The following PIP5K1B variants were observed in gnomAD, a reference collection of about 807,000 sequenced individuals.
The protein encoded by PIP5K1B is phosphatidylinositol 4-phosphate 5-kinase type-1 beta.
PIP5K1B carries 42 observed loss-of-function variants against 67.0 expected under a neutral mutation model. The observed-to-expected ratio is 0.63, with a 90% CI of 0.49 to 0.81. PIP5K1B has a LOEUF of 0.81. PIP5K1B is among the 30% of genes least tolerant of loss of function. The pLI, the probability that PIP5K1B is intolerant of heterozygous loss-of-function variation, is 0.00. For missense variants in PIP5K1B, 459 were observed against 646.3 expected (o/e 0.71, Z 3.14); for synonymous variants, 214 against 231.4 (o/e 0.92, Z 0.68).
intron 4 of PIP5K1B, among the ~76,000 whole-genome samples, chr9:68,851,873 C>T (rs746499639): frequency 6.6e-6 from 1 of 152,224 alleles, no homozygotes; most frequent in African/African-American, 2.4e-5. Flanking sequence ...AGCCGGCCCT[C>T]CTTGCATCTG....
chr9:68,892,019 C>G (rs1213445178), intron 7 of PIP5K1B, among the ~76,000 whole-genome samples: 1 of 152,036 alleles, frequency 6.6e-6, no homozygotes, highest in East Asian at 1.9e-4. Flanking sequence ...TTCTAAAATA[C>G]TTGAATCTAT....
At chr9:68,860,757 C>T (rs1019243307) in intron 4 of PIP5K1B, among the ~76,000 whole-genome samples, 10 of 152,152 alleles carry the variant, frequency 6.6e-5, no homozygotes, top group Non-Finnish European at 1.3e-4. Flanking sequence ...CTATGCCTCA[C>T]GGTTCTGGAG....
At chr9:68,841,649 CAAA>C (rs912481861) in intron 4 of PIP5K1B, among the ~76,000 whole-genome samples, 5 of 151,150 alleles carry the variant, frequency 3.3e-5, no homozygotes, top group African/African-American at 1.2e-4. Context: ...TAACTTGGGA[CAAA>C]AAAAAGGAAT....
At chr9:68,920,803 T>TACACAC (rs59573461) in intron 11 of PIP5K1B, among the ~76,000 whole-genome samples, 3,662 of 141,482 alleles carry the variant, frequency 0.026, 61 homozygotes, top group African/African-American at 0.038. Flanking sequence ...TACACACACA[T>TACACAC]ACACACACAC....
chr9:68,744,538 C>A (rs1829181530), intron 2 of PIP5K1B, among the ~76,000 whole-genome samples: 1 of 152,192 alleles, frequency 6.6e-6, no homozygotes, highest in Non-Finnish European at 1.5e-5. Context: ...TGCTCCCCTT[C>A]CCCTGGCTAG....
intron 8 of PIP5K1B, among the ~76,000 whole-genome samples, chr9:68,913,679 T>C (rs949111798): frequency 1.4e-4 from 21 of 152,194 alleles, no homozygotes; most frequent in Non-Finnish European, 1.5e-5. Context: ...ATGGCCAGCT[T>C]TCCACATATG....
At position 68,938,919 on chromosome 9, in the gene PIP5K1B, A is replaced by C. The variant is rs201026800; in HGVS notation, c.1358-1727A>C. Among the ~76,000 whole-genome samples the C allele has an allele frequency of 3.2e-4, 48 of 152,358 alleles. No individual in the cohort carries two copies. In the East Asian group the frequency reaches 4.8e-3, roughly 15 times the overall value. On this transcript the variant is annotated intron_variant, in intron 13 of 15. Transcript: ENST00000265382. The stretch of plus-strand genomic sequence containing the variant: ...CTTCTTGTCTCTGACCTCTAGACCC[A>C]GATTTAAAGGGCTCGTACAATTAGG...
intron 14 of PIP5K1B, among the ~76,000 whole-genome samples, chr9:68,986,458 T>A (rs1256723969): frequency 6.6e-6 from 1 of 152,240 alleles, no homozygotes; most frequent in Non-Finnish European, 1.5e-5. Flanking sequence ...TGCTAAGTTA[T>A]AAGAGTTCTT....
chr9:68,788,426 C>A, intron 2 of PIP5K1B: 1 of 556,018 alleles, frequency 1.8e-6, no homozygotes. Context: ...GCTGCTGCAT[C>A]TTAACTACAA....
chr9:68,886,202 A>C lies in PIP5K1B; in HGVS notation c.319-2779A>C, dbSNP rs561086785. On this transcript the variant is annotated intron_variant, in intron 6 of 15. Transcript: ENST00000265382. ...TGAAAAAAAAAAAAGAAAAATTTAA[A>C]GATGATGTGGTTCTTTAAGCCCCTG... 2.0e-5 allele frequency among the ~76,000 whole-genome samples: 3 copies of C among 152,222 alleles called. No homozygotes were observed. The South Asian group carries it at 6.2e-4, about 32-fold the overall frequency.
chr9:68,931,627 T>G (rs11144371), intron 12 of PIP5K1B, among the ~76,000 whole-genome samples: 3,507 of 152,292 alleles, frequency 0.023, 63 homozygotes, highest in Non-Finnish European at 0.039. Flanking sequence ...CAGAGTTCAT[T>G]AAGAAGAGAG....
At chr9:68,746,244 A>G (rs1275660961) in intron 2 of PIP5K1B, among the ~76,000 whole-genome samples, 1 of 151,640 alleles carries the variant, frequency 6.6e-6, no homozygotes, top group Non-Finnish European at 1.5e-5. Context: ...ATGCCTGGCT[A>G]ATTTTTGTAT....
At chr9:68,873,114 A>G (rs1266015739) in intron 5 of PIP5K1B, among the ~76,000 whole-genome samples, 1 of 151,850 alleles carries the variant, frequency 6.6e-6, no homozygotes, top group African/African-American at 2.4e-5. Flanking sequence ...TTGCCCCTCA[A>G]GCTACATCAC....
intron 4 of PIP5K1B, among the ~76,000 whole-genome samples, chr9:68,855,841 G>A (rs1822748659): frequency 6.6e-6 from 1 of 152,210 alleles, no homozygotes; most frequent in African/African-American, 2.4e-5. Context: ...CTCTCTGAGA[G>A]GAAGTGGGAC....
At chr9:68,786,006 T>G (rs1296654665) in intron 2 of PIP5K1B, 1 of 152,236 alleles carries the variant, frequency 6.6e-6, no homozygotes, top group Non-Finnish European at 1.5e-5. Context: ...AGCCTTATTC[T>G]TCTTTTTATA....
chr9:69,008,522 A>G lies in PIP5K1B; in HGVS notation c.*73A>G. The G allele has an allele frequency of 1.4e-6, 2 of 1,455,856 alleles. No individual in the cohort carries two copies. Among genetic ancestry groups the G allele is most frequent in the South Asian group, 1.1e-5 (1 of 87,880 alleles). 90.2% of individuals were successfully genotyped at this position (1,455,856 alleles called of 1,614,324 possible). A position where few individuals can be genotyped will look rare whatever the true frequency, so the allele number is the denominator to read the frequency against. ...TATGGCAGAGAAGTTTCTCCGCACC[A>G]GAATTATCCACAGCAACTTGGCTGA... On this transcript the variant is annotated 3_prime_UTR_variant, in exon 16 of 16. Transcript: ENST00000265382.
intron 4 of PIP5K1B, among the ~76,000 whole-genome samples, chr9:68,828,082 G>T (rs1834079974): frequency 6.6e-6 from 1 of 152,176 alleles, no homozygotes. Context: ...TTGTCCGTTG[G>T]ACTGGGTCAG....
chr9:68,920,830 A>ACACACACACG (rs1826357458), intron 11 of PIP5K1B, among the ~76,000 whole-genome samples: 1 of 151,362 alleles, frequency 6.6e-6, no homozygotes, highest in Admixed American at 6.6e-5. Flanking sequence ...ACACACACAC[A>ACACACACACG]CGCAGTCCCA....
At chr9:68,892,955 C>T (rs1824873919) in intron 7 of PIP5K1B, among the ~76,000 whole-genome samples, 1 of 152,040 alleles carries the variant, frequency 6.6e-6, no homozygotes, top group African/African-American at 2.4e-5. Context: ...CACCTGTAGT[C>T]CCAGCTACTT....
Sources: allele counts gnomAD v4.1 joint callset (sites outside exome capture counted in the v4.1 genomes callset), GRCh38; gene constraint gnomAD v4.1.1; transcripts MANE v1.5; gene names NCBI Gene and HGNC (gene_info 2026-07-23, HGNC 2026-07-21).